POLN: variants seen among roughly 807,000 people sequenced by gnomAD.
POLN encodes DNA polymerase N.
In POLN, 108 loss-of-function variants were observed where a neutral mutation model predicts 113.5. The observed-to-expected ratio is 0.95, with a 90% CI of 0.81 to 1.12. The LOEUF is 1.12. POLN is among the 50% of genes most tolerant of loss of function. The pLI is 0.00. For synonymous variants in POLN, 386 were observed against 391.5 expected (o/e 0.99, Z 0.17); for missense variants, 1,097 against 1,077.1 (o/e 1.02, Z -0.26).
intron 19 of POLN, among the ~76,000 whole-genome samples, chr4:2,097,447 G>T (rs964590589): frequency 1.3e-5 from 2 of 151,768 alleles, no homozygotes; most frequent in African/African-American, 4.8e-5. Context: ...GCCTTTTGGG[G>T]TCAAGTGATT....
intron 17 of POLN, among the ~76,000 whole-genome samples, chr4:2,130,481 T>TC (rs1205583537): frequency 6.6e-6 from 1 of 152,222 alleles, no homozygotes; most frequent in African/African-American, 2.4e-5. Context: ...TTGAACTTTT[T>TC]CTTTTTTAGA....
At chr4:2,106,685 T>C (rs938494163) in intron 19 of POLN, among the ~76,000 whole-genome samples, 1 of 152,238 alleles carries the variant, frequency 6.6e-6, no homozygotes, top group Non-Finnish European at 1.5e-5. Context: ...TCTTTTATCA[T>C]ATACTAAATG....
chr4:2,170,744 G>T lies in POLN; in HGVS notation c.1489C>A (p.Leu497Met), dbSNP rs1338346644. The T allele has an allele frequency of 3.1e-6, 5 of 1,614,064 alleles. No individual in the cohort carries two copies. The highest frequency in any genetic ancestry group is 4.2e-6 in the Non-Finnish European group (5 of 1,180,032). Residue 497 changes from leucine to methionine, a missense_variant, in exon 13 of 26, where the codon CTG (leucine) becomes ATG (methionine). Transcript: ENST00000511885. ...ILFGKLKLHLLSQRNSLPRTG... is the reference protein window; with the variant it reads ...ILFGKLKLHLMSQRNSLPRTG... Reference sequence around the variant, plus strand: ...CTGGGGAGACTGTTCCTTTGACTCAGCAGGTGCAGCTTTAACTTGCCAAAG... The same window carrying T: ...CTGGGGAGACTGTTCCTTTGACTCATCAGGTGCAGCTTTAACTTGCCAAAG...
chr4:2,156,371 A>G (rs906593632), intron 16 of POLN: 2 of 396,418 alleles, frequency 5.0e-6, no homozygotes, highest in Non-Finnish European at 9.7e-6. Context: ...AAGGGAATTT[A>G]GAGCTTTTTT....
At position 2,198,587 on chromosome 4, in the gene POLN, T is replaced by C. The variant is rs752495621; in HGVS notation, c.845A>G (p.Tyr282Cys). Residue 282 changes from tyrosine (Y) to cysteine (C), a missense_variant, in exon 6 of 26, where the codon TAC becomes TGC. Coordinates refer to ENST00000511885, the MANE Select transcript of POLN (RefSeq NM_181808.4). ...EGFVSDDPCI[Y>C]IQIEHSAIWD... Reference sequence around the variant, plus strand: ...GATAGCAGAGTGCTCTATTTGAATGTAGATGCATGGATCATCTGACACAAA... The same window carrying C: ...GATAGCAGAGTGCTCTATTTGAATGCAGATGCATGGATCATCTGACACAAA... 21 of 1,613,918 alleles carry C rather than the reference T, an allele frequency of 1.3e-5. 1 individual carries two copies. The Admixed American group carries it at 3.3e-4, about 26-fold the overall frequency.
chr4:2,231,757 G>T (rs1049602951), intron 2 of POLN: 87 of 484,488 alleles, frequency 1.8e-4, no homozygotes, highest in Non-Finnish European at 2.9e-4. Context: ...AAAAGCACTG[G>T]TATTCTGAAT....
Position 2,127,966 on chromosome 4 carries a change from T to C in POLN, c.1982+147A>G. 1 of 598,772 alleles carries C rather than the reference T, an allele frequency of 1.7e-6. No homozygotes were observed. The highest frequency in any genetic ancestry group is 2.9e-6 in the Non-Finnish European group (1 of 342,154). 37.1% of individuals were successfully genotyped at this position (598,772 alleles called of 1,614,324 possible). On this transcript the variant is annotated intron_variant, in intron 19 of 25. Coordinates refer to ENST00000511885, the MANE Select transcript of POLN (RefSeq NM_181808.4). This position sits in a 1 kb window ranked among gnomAD's most constrained non-coding sequence, Gnocchi z 4.7. The stretch of plus-strand genomic sequence containing the variant: ...TAGGTAACTCATGGCATCCTAGTTA[T>C]CTACTCTTCTTTTCAAAATGATTAG...
At chr4:2,097,605 C>T (rs1730825892) in intron 19 of POLN, among the ~76,000 whole-genome samples, 1 of 151,532 alleles carries the variant, frequency 6.6e-6, no homozygotes, top group South Asian at 2.1e-4. Context: ...GCCTTGGCCT[C>T]CCAAAGTGCT....
chr4:2,178,240 G>T (rs1733043002), intron 8 of POLN, among the ~76,000 whole-genome samples: 1 of 152,066 alleles, frequency 6.6e-6, no homozygotes, highest in Non-Finnish European at 1.5e-5. Context: ...CCCCAGCTCA[G>T]TGCCCAGCAC....
At chr4:2,156,375 C>CTTTT (rs34241266) in intron 16 of POLN, 3 of 384,252 alleles carry the variant, frequency 7.8e-6, no homozygotes, top group African/African-American at 2.2e-5. Flanking sequence ...GAATTTAGAG[C>CTTTT]TTTTTTTTTT....
At chr4:2,200,810 C>T (rs1178612846) in intron 5 of POLN, among the ~76,000 whole-genome samples, 3 of 152,158 alleles carry the variant, frequency 2.0e-5, no homozygotes, top group Non-Finnish European at 4.4e-5. Context: ...CAAGGTTCTT[C>T]AGCATGCCCA....
chr4:2,133,075 G>A (rs556330098), intron 16 of POLN, among the ~76,000 whole-genome samples: 8 of 151,700 alleles, frequency 5.3e-5, no homozygotes, highest in South Asian at 2.1e-4. Flanking sequence ...GGAACCCAAG[G>A]CAGGAGGATC....
At chr4:2,159,999 G>A (rs1408883068) in intron 13 of POLN, among the ~76,000 whole-genome samples, 1 of 152,168 alleles carries the variant, frequency 6.6e-6, no homozygotes. Flanking sequence ...ATGAAGAAGG[G>A]TGAAACTGCT....
chr4:2,162,433 T>G (rs1732621869), intron 13 of POLN, among the ~76,000 whole-genome samples: 1 of 152,110 alleles, frequency 6.6e-6, no homozygotes, highest in African/African-American at 2.4e-5. Flanking sequence ...CGCGCCACCT[T>G]AAGAGCTATA....
At position 2,196,686 on chromosome 4, in the gene POLN, AC is replaced by A. The variant is rs1733582655; in HGVS notation, c.908+1837del. Among the ~76,000 whole-genome samples the A allele has an allele frequency of 2.6e-5, 4 of 152,106 alleles. No individual in the cohort carries two copies. In the South Asian group the frequency reaches 8.3e-4, roughly 32 times the overall value. On this transcript the variant is annotated intron_variant, in intron 6 of 25. Transcript: ENST00000511885. ...GTTTTTAGAGTCATGAGAGGGCAAA[AC>A]AATAGATTGGGAATTTCTTTAATCC...
chr4:2,238,131 CAATT>C (rs1276597185), intron 2 of POLN, among the ~76,000 whole-genome samples: 1 of 152,280 alleles, frequency 6.6e-6, no homozygotes, highest in African/African-American at 2.4e-5. Context: ...CCTCTGCCAT[CAATT>C]GCTCAGACAT....
intron 8 of POLN, chr4:2,177,221 G>C (rs1262126430): frequency 2.2e-6 from 1 of 447,696 alleles, no homozygotes; most frequent in Non-Finnish European, 4.5e-6. Flanking sequence ...CCCAGGACAG[G>C]CCCAGCTCCC....
At chr4:2,230,829 A>G (rs963389277) in intron 2 of POLN, 30 of 152,218 alleles carry the variant, frequency 2.0e-4, no homozygotes, top group African/African-American at 6.8e-4. Flanking sequence ...ATCTGATGTA[A>G]TAACAGATGA....
rs1731664363 is a variant in POLN at position 2,129,319 on chromosome 4, C to T, written c.1790-63G>A. ...CATGAACTGATGCATAGCTATTCCT[C>T]AATACAATATTATTTGAATATTATT... is the stretch of plus-strand genomic sequence containing the variant. On this transcript the variant is annotated intron_variant, in intron 17 of 25. Transcript: ENST00000511885. The T allele has an allele frequency of 2.0e-5, 20 of 990,326 alleles. No individual in the cohort carries two copies. In the South Asian group the frequency reaches 2.5e-4, roughly 12 times the overall value. 61.3% of individuals were successfully genotyped at this position (990,326 alleles called of 1,614,324 possible).
Sources: allele counts gnomAD v4.1 joint callset (sites outside exome capture counted in the v4.1 genomes callset), GRCh38; gene constraint gnomAD v4.1.1; non-coding constraint Gnocchi (gnomAD v3.1); transcripts MANE v1.5; gene names NCBI Gene and HGNC (gene_info 2026-07-23, HGNC 2026-07-21).